Variants in GNAZ observed in about 807,000 individuals in gnomAD.
GNAZ encodes the protein G protein subunit alpha z, also known as guanine nucleotide-binding protein G(z) subunit alpha.
Under a neutral mutation model 25.4 loss-of-function variants are expected in GNAZ, and 3 were observed. That is an observed-to-expected ratio of 0.12 (90% CI 0.05 to 0.30). The LOEUF is 0.30. Ranked by LOEUF, GNAZ falls within the 10% of genes least tolerant of loss-of-function variation. The pLI is 1.00. For synonymous variants in GNAZ, 211 were observed against 205.7 expected (o/e 1.03, Z -0.22); for missense variants, 241 against 501.8 (o/e 0.48, Z 4.97).
rs2069806567 is a variant in GNAZ at position 23,115,591 on chromosome 22, G to A, written c.724-7496G>A. ...CCTTCCTAGAACAGGAAGGTGGGGTGACCCTGCAGGGTGGCCTCCCACACC... is the reference window on the plus strand; with the variant it reads ...CCTTCCTAGAACAGGAAGGTGGGGTAACCCTGCAGGGTGGCCTCCCACACC... On this transcript the variant is annotated intron_variant, in intron 2 of 2. Transcript: ENST00000615612. 2.6e-5 allele frequency among the ~76,000 whole-genome samples: 4 copies of A among 152,222 alleles called. No individual in the cohort carries two copies. The South Asian group carries it at 8.3e-4, about 32-fold the overall frequency.
At chr22:23,081,221 C>A (rs1427323497) in intron 1 of GNAZ, among the ~76,000 whole-genome samples, 1 of 152,176 alleles carries the variant, frequency 6.6e-6, no homozygotes, top group Non-Finnish European at 1.5e-5. Context: ...TCCTTTGCCA[C>A]CTCACTTGTG....
At chr22:23,087,284 AG>A (rs1205631788) in intron 1 of GNAZ, among the ~76,000 whole-genome samples, 8 of 152,090 alleles carry the variant, frequency 5.3e-5, no homozygotes, top group African/African-American at 1.9e-4. Flanking sequence ...TGAGCAACAT[AG>A]TGAGACCCCC....
intron 1 of GNAZ, among the ~76,000 whole-genome samples, chr22:23,073,524 C>G (rs534537556): frequency 1.3e-5 from 2 of 152,312 alleles, no homozygotes; most frequent in South Asian, 4.1e-4. Flanking sequence ...TTCTCTGAAC[C>G]TCATTATCCT....
At chr22:23,118,616 G>A (rs1569185674) in intron 2 of GNAZ, among the ~76,000 whole-genome samples, 1 of 152,204 alleles carries the variant, frequency 6.6e-6, no homozygotes, top group Non-Finnish European at 1.5e-5. Context: ...TGAGGCCTTG[G>A]GCCCCATATG....
chr22:23,091,723 C>T lies in GNAZ; in HGVS notation c.-449-3524C>T, dbSNP rs565972140. The stretch of plus-strand genomic sequence containing the variant: ...GCACCGCAATGGACCTGCACACAGG[C>T]ACCACATACTGCCACAAACATGCAG... On this transcript the variant is annotated intron_variant, in intron 1 of 2. Coordinates refer to ENST00000615612, the MANE Select transcript of GNAZ (RefSeq NM_002073.4). 2.6e-5 allele frequency among the ~76,000 whole-genome samples: 4 copies of T among 152,356 alleles called. No homozygotes were observed. The East Asian group carries it at 7.7e-4, about 29-fold the overall frequency.
chr22:23,102,195 C>T lies in GNAZ; in HGVS notation c.723+5777C>T, dbSNP rs530870993. On this transcript the variant is annotated intron_variant, in intron 2 of 2. Transcript: ENST00000615612. ...GCGGCCACCTCAGTGGGCCTTCAGC[C>T]GCTCTGAGCCTGTGGCCAGTGCTCA... is the stretch of plus-strand genomic sequence containing the variant. 5.3e-5 allele frequency among the ~76,000 whole-genome samples: 8 copies of T among 152,356 alleles called. No individual in the cohort carries two copies. In the South Asian group the frequency reaches 8.3e-4, roughly 16 times the overall value.
intron 2 of GNAZ, among the ~76,000 whole-genome samples, chr22:23,105,199 C>T (rs1251063608): frequency 6.6e-6 from 1 of 152,182 alleles, no homozygotes; most frequent in Admixed American, 6.5e-5. Flanking sequence ...CCTGTGGTGA[C>T]CAGGGGAGAA....
chr22:23,073,115 T>C (rs1002660080), intron 1 of GNAZ, among the ~76,000 whole-genome samples: 2 of 152,226 alleles, frequency 1.3e-5, no homozygotes, highest in East Asian at 3.8e-4. Flanking sequence ...CACGCTAGCC[T>C]CAGAATACTT....
intron 2 of GNAZ, among the ~76,000 whole-genome samples, chr22:23,116,006 T>G (rs1219908451): frequency 6.6e-6 from 1 of 152,240 alleles, no homozygotes; most frequent in Non-Finnish European, 1.5e-5. Flanking sequence ...GCCGCGCATG[T>G]GCCAGATGGG....
In GNAZ at chr22:23,070,542, C is replaced by T. The variant is rs1163834211; in HGVS notation, c.-478C>T. On this transcript the variant is annotated 5_prime_UTR_variant, in exon 1 of 3. Transcript: ENST00000615612. ...CCGCCCCGCCCTGCCCGGAGCAGCT[C>T]GGCAGATGCTCTGTGCTGCGGCCCG... is the stretch of plus-strand genomic sequence containing the variant. 1 of 151,318 alleles carries T rather than the reference C, an allele frequency of 6.6e-6. No homozygotes were observed. 9.4% of individuals were successfully genotyped at this position (151,318 alleles called of 1,614,324 possible).
chr22:23,098,464 G>C (rs1384354051), intron 2 of GNAZ, among the ~76,000 whole-genome samples: 1 of 152,200 alleles, frequency 6.6e-6, no homozygotes, highest in Non-Finnish European at 1.5e-5. Flanking sequence ...CCTGGGGAGA[G>C]CCATGGTGGG....
intron 1 of GNAZ, among the ~76,000 whole-genome samples, chr22:23,075,344 C>G (rs996720347): frequency 6.6e-6 from 1 of 152,214 alleles, no homozygotes; most frequent in African/African-American, 2.4e-5. Context: ...CAATTGCCTG[C>G]TGCAATTCTT....
chr22:23,078,860 T>C (rs555268059), intron 1 of GNAZ, among the ~76,000 whole-genome samples: 44 of 152,336 alleles, frequency 2.9e-4, no homozygotes, highest in African/African-American at 1.1e-3. Context: ...CTCCCGGGCC[T>C]GAGGGCTTAG....
At chr22:23,116,339 G>A (rs191927589) in intron 2 of GNAZ, among the ~76,000 whole-genome samples, 3 of 152,358 alleles carry the variant, frequency 2.0e-5, no homozygotes, top group Admixed American at 1.3e-4. Context: ...TGGCCTGTCC[G>A]CCTGAGGGGC....
chr22:23,073,804 G>A (rs2068437831), intron 1 of GNAZ, among the ~76,000 whole-genome samples: 1 of 152,188 alleles, frequency 6.6e-6, no homozygotes. Context: ...CCAGGTGCAG[G>A]GGTACAGCAG....
rs758126196 is a variant in GNAZ, at chr22:23,123,233, G to A, written c.870G>A (p.Glu290=). The A allele has an allele frequency of 2.4e-5, 39 of 1,614,024 alleles. No individual in the cohort carries two copies. The highest frequency in any genetic ancestry group is 3.2e-5 in the Non-Finnish European group (38 of 1,180,038). ...RRIPLTICFP[E]YKGQNTYEEA... ...TCCCGCTCACCATCTGCTTTCCCGA[G>A]TACAAGGGCCAGAACACGTACGAGG... is the stretch of plus-strand genomic sequence containing the variant. The change falls in exon 3 of 3, where the codon GAG becomes GAA. Residue 290 remains glutamate, a synonymous_variant. Coordinates refer to ENST00000615612, the MANE Select transcript of GNAZ (RefSeq NM_002073.4).
intron 1 of GNAZ, among the ~76,000 whole-genome samples, chr22:23,076,719 A>G (rs1601751264): frequency 6.6e-6 from 1 of 152,210 alleles, no homozygotes; most frequent in African/African-American, 2.4e-5. Context: ...AGGCATGTCT[A>G]TGGAAAACTG....
rs569502575 is a variant in GNAZ, at chr22:23,121,457, G to A, written c.724-1630G>A. On this transcript the variant is annotated intron_variant, in intron 2 of 2. Coordinates refer to ENST00000615612, the MANE Select transcript of GNAZ (RefSeq NM_002073.4). ...AGGCAGCCTCCTTTGGGCCCACCCTGTAGGAGCAGCAAGCCAGAGCACCTG... is the reference window on the plus strand; with the variant it reads ...AGGCAGCCTCCTTTGGGCCCACCCTATAGGAGCAGCAAGCCAGAGCACCTG... Among the ~76,000 whole-genome samples the A allele has an allele frequency of 8.5e-5, 13 of 152,326 alleles. No homozygotes were observed. The South Asian group carries it at 2.7e-3, about 32-fold the overall frequency.
At chr22:23,103,296 G>A (rs75764644) in intron 2 of GNAZ, among the ~76,000 whole-genome samples, 3,579 of 152,252 alleles carry the variant, frequency 0.024, 46 homozygotes, top group Non-Finnish European at 0.038. Context: ...CCCAGCCCCC[G>A]CCTCCATGCC....
Sources: gnomAD v4.1 joint callset for allele counts (sites outside exome capture counted in the v4.1 genomes callset) on GRCh38, gnomAD v4.1.1 for gene constraint, MANE v1.5 for transcripts, NCBI Gene and HGNC (gene_info 2026-07-23, HGNC 2026-07-21) for gene names.